The following DAPP1 variants were observed in gnomAD, a reference collection of about 807,000 sequenced individuals.
DAPP1 encodes dual adapter for phosphotyrosine and 3-phosphotyrosine and 3-phosphoinositide.
A neutral mutation model predicts 41.5 loss-of-function variants in DAPP1; 20 were observed. The observed-to-expected ratio is 0.48, with a 90% CI of 0.34 to 0.70. The LOEUF is 0.70. DAPP1 is among the 30% of genes least tolerant of loss of function. The pLI, the probability that DAPP1 is intolerant of heterozygous loss-of-function variation, is 0.01. For missense variants in DAPP1, 233 were observed against 333.4 expected (o/e 0.70, Z 2.35); for synonymous variants, 113 against 116.2 (o/e 0.97, Z 0.18).
intron 8 of DAPP1, 116 bp from the exon 9 acceptor site, chr4:99,868,001 A>T: frequency 4.3e-6 from 4 of 920,464 alleles, no homozygotes; most frequent in Non-Finnish European, 6.9e-6. Flanking sequence ...CATGATAATT[A>T]ACTTAGAGTT....
At chr4:99,831,240 C>G (rs540308939) in intron 1 of DAPP1, among the ~76,000 whole-genome samples, 2 of 152,270 alleles carry the variant, frequency 1.3e-5, no homozygotes, top group Admixed American at 1.3e-4. Flanking sequence ...TGGGATCTAT[C>G]AACTTTGATG....
intron 7 of DAPP1, 55 bp from the exon 8 acceptor site, chr4:99,865,979 T>C: frequency 7.9e-6 from 1 of 126,006 alleles, no homozygotes; most frequent in South Asian, 8.6e-5. Context: ...TATATATATA[T>C]ATATATATAG....
chr4:99,866,924 C>T (rs759159504), intron 8 of DAPP1, among the ~76,000 whole-genome samples: 12 of 151,776 alleles, frequency 7.9e-5, no homozygotes, highest in Non-Finnish European at 1.8e-4. Context: ...AGCTTGCCAC[C>T]ACGCCTGGTT....
chr4:99,861,764 C>G (rs1724247044), intron 5 of DAPP1, 139 bp downstream of exon 5: 1 of 1,005,382 alleles, frequency 9.9e-7, no homozygotes, highest in South Asian at 1.6e-5. Flanking sequence ...TCACCTGACT[C>G]AAGAGTTCAT....
rs1724549471 is a variant in DAPP1 at position 99,868,714 on chromosome 4, A to C, written c.*529A>C. ...TCCCCCTTTATACAAAAAAAAAAGA[A>C]CATTTCCAAAACTAAAATAGAAAAT... On this transcript the variant is annotated 3_prime_UTR_variant, in exon 9 of 9. Coordinates refer to ENST00000512369, the MANE Select transcript of DAPP1 (RefSeq NM_014395.3). The C allele has an allele frequency of 6.6e-6, 1 of 151,896 alleles. No homozygotes were observed. The highest frequency in any genetic ancestry group is 1.5e-5 in the Non-Finnish European group (1 of 67,980). The allele number at this position is 151,896 out of a possible 1,614,324, so 9.4% of individuals were successfully genotyped here.
At chr4:99,850,442 T>A (rs1723816454) in intron 3 of DAPP1, among the ~76,000 whole-genome samples, 1 of 152,068 alleles carries the variant, frequency 6.6e-6, no homozygotes, top group Non-Finnish European at 1.5e-5. Context: ...TATTATTATG[T>A]GAAGTGTGTG....
At chr4:99,851,155 T>C (rs1010134963) in intron 3 of DAPP1, among the ~76,000 whole-genome samples, 3 of 152,248 alleles carry the variant, frequency 2.0e-5, no homozygotes, top group African/African-American at 7.2e-5. Flanking sequence ...ACTCTTGATA[T>C]AGGTACTGCT....
intron 2 of DAPP1, among the ~76,000 whole-genome samples, chr4:99,838,366 A>G (rs888637780): frequency 2.0e-5 from 3 of 152,202 alleles, no homozygotes; most frequent in South Asian, 4.1e-4. Flanking sequence ...TTATGAACAA[A>G]TATTCACTTA....
chr4:99,822,915 G>T (rs534608525), intron 1 of DAPP1, among the ~76,000 whole-genome samples: 1 of 152,112 alleles, frequency 6.6e-6, no homozygotes, highest in African/African-American at 2.4e-5. Flanking sequence ...ATCAGTGTTC[G>T]CTGCTCACCA....
downstream of DAPP1, among the ~76,000 whole-genome samples, chr4:99,871,773 C>T (rs10461176): frequency 0.039 from 5,901 of 152,258 alleles, 287 homozygotes; most frequent in East Asian, 0.24. Context: ...ATACAGGCAT[C>T]ATTAGAGGGG....
chr4:99,862,175 T>A (rs565480063), intron 5 of DAPP1, among the ~76,000 whole-genome samples: 1 of 152,222 alleles, frequency 6.6e-6, no homozygotes, highest in East Asian at 1.9e-4. Flanking sequence ...CCTTCTCGTT[T>A]TAAGAGTCAC....
chr4:99,825,335 C>A (rs1310110194), intron 1 of DAPP1, among the ~76,000 whole-genome samples: 1 of 152,212 alleles, frequency 6.6e-6, no homozygotes, highest in African/African-American at 2.4e-5. Flanking sequence ...TCTTCCAGAG[C>A]TTCTTGCATC....
intron 4 of DAPP1, among the ~76,000 whole-genome samples, chr4:99,861,109 T>C (rs1221363705): frequency 6.6e-6 from 1 of 152,160 alleles, no homozygotes; most frequent in Non-Finnish European, 1.5e-5. Flanking sequence ...ATAGTAAAAA[T>C]GCTATTTCTA....
At chr4:99,857,019 A>G (rs1343916220) in intron 4 of DAPP1, among the ~76,000 whole-genome samples, 1 of 152,222 alleles carries the variant, frequency 6.6e-6, no homozygotes, top group Admixed American at 6.5e-5. Flanking sequence ...TGCAGCAAAG[A>G]ACTGTTAATG....
At chr4:99,834,235 G>C (rs928679776) in intron 1 of DAPP1, among the ~76,000 whole-genome samples, 1 of 152,170 alleles carries the variant, frequency 6.6e-6, no homozygotes, top group South Asian at 2.1e-4. Flanking sequence ...ATCAGGAGTG[G>C]AGGTACACAT....
intron 3 of DAPP1, among the ~76,000 whole-genome samples, chr4:99,852,720 T>C (rs1578184361): frequency 6.6e-6 from 1 of 152,212 alleles, no homozygotes; most frequent in Non-Finnish European, 1.5e-5. Flanking sequence ...ATTCGGAAAC[T>C]GATTGATAGG....
chr4:99,860,111 T>C (rs962164607), intron 4 of DAPP1, among the ~76,000 whole-genome samples: 2 of 152,256 alleles, frequency 1.3e-5, no homozygotes, highest in African/African-American at 4.8e-5. Context: ...AAACAGCTTT[T>C]CTGTTACAGT....
In DAPP1 at chr4:99,835,763, T is replaced by G; in HGVS notation, c.224+18T>G. 1 of 1,611,018 alleles carries G rather than the reference T, an allele frequency of 6.2e-7. No homozygotes were observed. Among genetic ancestry groups the G allele is most frequent in the Non-Finnish European group, 8.5e-7 (1 of 1,178,836 alleles). On this transcript the variant is annotated intron_variant, in intron 2 of 8. Coordinates refer to ENST00000512369, the MANE Select transcript of DAPP1 (RefSeq NM_014395.3). ...TCTGTGAGGTAAGGTGCTTCAGGGCTCTACGACTTCAGCATGGGCTCCTCT... is the reference window on the plus strand; with the variant it reads ...TCTGTGAGGTAAGGTGCTTCAGGGCGCTACGACTTCAGCATGGGCTCCTCT...
At chr4:99,819,075 T>C (rs769796841) in intron 1 of DAPP1, among the ~76,000 whole-genome samples, 3 of 152,238 alleles carry the variant, frequency 2.0e-5, no homozygotes, top group Non-Finnish European at 4.4e-5. Flanking sequence ...TGATATTTTG[T>C]TTGTTGGTTT....
Sources: gnomAD v4.1 joint callset for allele counts (sites outside exome capture counted in the v4.1 genomes callset) on GRCh38, gnomAD v4.1.1 for gene constraint, MANE v1.5 for transcripts, NCBI Gene and HGNC (gene_info 2026-07-23, HGNC 2026-07-21) for gene names.